GPAT2: variants seen among roughly 807,000 people sequenced by gnomAD.
GPAT2 encodes the protein 1-acylglycerol-3-phosphate O-acyltransferase GPAT2.
Under a neutral mutation model 71.0 loss-of-function variants are expected in GPAT2, and 51 were observed. That is an observed-to-expected ratio of 0.72 (90% CI 0.57 to 0.91). The LOEUF (loss-of-function observed/expected upper bound fraction) is 0.91. Among genes scored for constraint, GPAT2 ranks in the 40% least tolerant of loss-of-function variants. The probability of loss-of-function intolerance (pLI) is 0.00; values close to 1 mark genes in which losing one functional copy is unlikely to be tolerated. For missense variants in GPAT2, 511 were observed against 666.0 expected (o/e 0.77, Z 2.56); for synonymous variants, 222 against 290.3 (o/e 0.76, Z 2.39).
Position 96,026,729 on chromosome 2 carries a change from G to C in GPAT2, c.1000C>G (p.Leu334Val). 2 of 75,582 alleles carry C rather than the reference G, an allele frequency of 2.6e-5. No homozygotes were observed. Among genetic ancestry groups the C allele is most frequent in the Non-Finnish European group, 4.3e-5 (2 of 46,034 alleles). 4.7% of individuals were successfully genotyped at this position (75,582 alleles called of 1,614,324 possible). ...LLVPVAVTYD[L>V]VPDAPCDIDH... is the part of the protein sequence containing the mutation. Reference sequence around the variant, plus strand: ...ATGTCACACGGTGCATCCGGAACCAGGTCATAGGTGACGGCCACTGGTACC... The same window carrying C: ...ATGTCACACGGTGCATCCGGAACCACGTCATAGGTGACGGCCACTGGTACC... The change falls in exon 10 of 22, where the codon CTG becomes GTG. Residue 334 changes from leucine (L) to valine (V), a missense_variant. Around this residue, in one of 7 missense-constraint regions of GPAT2, gnomAD observed 0 missense variants for 21.6 expected, o/e 0.00. Transcript: ENST00000434632.
At chr2:96,025,454 C>T (rs1680294167) in intron 13 of GPAT2, 31 bp downstream of exon 13, 1 of 1,573,832 alleles carries the variant, frequency 6.4e-7, no homozygotes, top group Non-Finnish European at 8.6e-7. Context: ...AGTGACCCAC[C>T]CGCAAAGGCC....
At chr2:96,025,439 G>T in intron 13 of GPAT2, 46 bp downstream of exon 13, 8 of 1,560,530 alleles carry the variant, frequency 5.1e-6, no homozygotes, top group African/African-American at 1.4e-5. Context: ...GAGAGGGGAC[G>T]GTTCAGTGAC....
At chr2:96,025,455 C>T (rs752836100) in intron 13 of GPAT2, 30 bp downstream of exon 13, 42 of 1,573,404 alleles carry the variant, frequency 2.7e-5, no homozygotes, top group Admixed American at 3.8e-5. Flanking sequence ...GTGACCCACC[C>T]GCAAAGGCCC....
rs931659244 is a variant in GPAT2, at chr2:96,026,284, A to G, written c.1054T>C (p.Trp352Arg). ...IDHASAPLGL[W>R]TGALAVLRSL... ...CGTAGGACAGCCAGAGCTCCTGTCCACAGCCCCAGGGGGGCCGAGGCCTGC... is the reference window on the plus strand; with the variant it reads ...CGTAGGACAGCCAGAGCTCCTGTCCGCAGCCCCAGGGGGGCCGAGGCCTGC... The change falls in exon 11 of 22, where the codon TGG becomes CGG. Residue 352 changes from tryptophan to arginine, a missense_variant. Physicochemically the swap from Trp to Arg is moderately radical, Grantham distance 101 (BLOSUM62 -3). This residue lies in a region of GPAT2 where 79 missense variants were observed against 111.4 expected (regional missense o/e 0.71). Transcript: ENST00000434632. The G allele has an allele frequency of 2.5e-6, 4 of 1,576,538 alleles. No individual in the cohort carries two copies. Among genetic ancestry groups the G allele is most frequent in the Admixed American group, 1.9e-5 (1 of 52,594 alleles).
At chr2:96,022,366 C>T (rs1182569641) in intron 21 of GPAT2, 91 bp from the exon 22 acceptor site, 33 of 1,409,876 alleles carry the variant, frequency 2.3e-5, no homozygotes, top group Middle Eastern at 4.9e-4. Context: ...AGAAACCTGC[C>T]TTGAGACCTC....
Position 96,024,435 on chromosome 2 carries a change from G to A in GPAT2, c.1679C>T (p.Ala560Val). Residue 560 changes from alanine (A) to valine (V), a missense_variant, in exon 15 of 22, where the codon GCT (alanine) becomes GTT (valine). This residue lies in a region of GPAT2 where 295 missense variants were observed against 305.5 expected (regional missense o/e 0.97). Coordinates refer to ENST00000434632, the MANE Select transcript of GPAT2 (RefSeq NM_001321527.2). Reference protein sequence around the residue: ...AELLPVFLSEAVGACAVRGLL... With the variant: ...AELLPVFLSEVVGACAVRGLL... ...TGCACCTCAAGACTCACCGCCCACAGCCTCGCTCAGGAAGACGGGCAGCAG... is the reference window on the plus strand; with the variant it reads ...TGCACCTCAAGACTCACCGCCCACAACCTCGCTCAGGAAGACGGGCAGCAG... 1 of 1,613,786 alleles carries A rather than the reference G, an allele frequency of 6.2e-7. No homozygotes were observed. The highest frequency in any genetic ancestry group is 8.5e-7 in the Non-Finnish European group (1 of 1,179,812).
chr2:96,023,836 G>A, intron 17 of GPAT2, 87 bp downstream of exon 17: 6 of 1,530,910 alleles, frequency 3.9e-6, no homozygotes, highest in Non-Finnish European at 5.3e-6. Context: ...GGGCAGAGGA[G>A]GAGCCTGGGG....
At position 96,026,460 on chromosome 2, in the gene GPAT2, G is replaced by C. The variant is rs1393012662; in HGVS notation, c.1033-155C>G. 42 of 593,452 alleles carry C rather than the reference G, an allele frequency of 7.1e-5. No homozygotes were observed. In the Admixed American group the frequency reaches 1.7e-3, roughly 23 times the overall value. 36.8% of individuals were successfully genotyped at this position (593,452 alleles called of 1,614,324 possible). On this transcript the variant is annotated intron_variant, in intron 10 of 21. Transcript: ENST00000434632. The stretch of plus-strand genomic sequence containing the variant: ...AAACTGGTGCGTGACCTTGTCCCAA[G>C]CTCCTCTTTCCTTATCCATGACACA...
At chr2:96,028,267 T>TAGC (rs1180500062) in intron 6 of GPAT2, among the ~76,000 whole-genome samples, 177 bp from the exon 7 acceptor site, 2 of 65,148 alleles carry the variant, frequency 3.1e-5, no homozygotes, top group African/African-American at 1.4e-4. Context: ...CGCTAAGAAG[T>TAGC]AGCAGTGCTG....
At position 96,023,206 on chromosome 2, in the gene GPAT2, G is replaced by T; in HGVS notation, c.2067C>A (p.Cys689Ter). The change falls in exon 19 of 22, where the codon TGC becomes TGA. Residue 689 changes from cysteine (C) to a stop codon, truncating the protein, a stop_gained. Coordinates refer to ENST00000434632, the MANE Select transcript of GPAT2 (RefSeq NM_001321527.2). LOFTEE classifies it high-confidence loss of function. ...RYFRLSQQSH[C>*]PDFFLFLCRL... is the part of the protein sequence containing the mutation. ...GGCAGAGGAAAAGAAAGAAATCTGG[G>T]CAGTGTGACTGCTGGCTGAGCTGGA... 5 of 1,605,472 alleles carry T rather than the reference G, an allele frequency of 3.1e-6. No individual in the cohort carries two copies. Among genetic ancestry groups the T allele is most frequent in the Non-Finnish European group, 2.6e-6 (3 of 1,176,144 alleles).
Position 96,024,624 on chromosome 2 carries a change from C to T in GPAT2, c.1490G>A (p.Arg497His), listed in dbSNP as rs367793485. ...CCCAGAGAAGCCTACATCAAAGCCA[C>T]GCAACAGTATCTCCTCCGTCAGCCA... ...FSWLTEEILL[R>H]GFDVGFSGQL... The change falls in exon 15 of 22, where the codon CGT becomes CAT. Residue 497 changes from arginine to histidine, a missense_variant. By Grantham distance (29) the Arg-to-His change is conservative. Around this residue, in one of 7 missense-constraint regions of GPAT2, gnomAD observed 295 missense variants for 305.5 expected, o/e 0.97. Transcript: ENST00000434632. 2.5e-6 allele frequency: 4 copies of T among 1,613,898 alleles called. No homozygotes were observed. Among genetic ancestry groups the T allele is most frequent in the South Asian group, 1.1e-5 (1 of 91,080 alleles).
intron 17 of GPAT2, 80 bp from the exon 18 acceptor site, chr2:96,023,520 G>A: frequency 6.8e-7 from 1 of 1,478,548 alleles, no homozygotes; most frequent in Non-Finnish European, 9.4e-7. Flanking sequence ...ACATGCAGGT[G>A]AAACCAGTAA....
intron 13 of GPAT2, 89 bp from the exon 14 acceptor site, chr2:96,024,932 C>T (rs1680229386): frequency 2.1e-6 from 3 of 1,411,764 alleles, no homozygotes; most frequent in Non-Finnish European, 2.0e-6. Context: ...CCTAGCCACA[C>T]ATCCCAACTC....
chr2:96,023,692 C>T, intron 17 of GPAT2: 2 of 797,472 alleles, frequency 2.5e-6, no homozygotes, highest in South Asian at 3.7e-5. Context: ...CAGAGGCACA[C>T]ATGTCCAGTG....
chr2:96,025,085 T>C, intron 13 of GPAT2: 1 of 603,450 alleles, frequency 1.7e-6, no homozygotes, highest in East Asian at 2.8e-5. Context: ...AGAGGGGCAC[T>C]GAAGAAGATA....
At position 96,024,396 on chromosome 2, in the gene GPAT2, T is replaced by C. The variant is rs201421814; in HGVS notation, c.1687+31A>G. 1.9e-6 allele frequency: 3 copies of C among 1,608,926 alleles called. No homozygotes were observed. The African/African-American group carries it at 4.0e-5, about 21-fold the overall frequency. ...CGTTCCCTTCACCACTGCACACACATCCCACCTACCCCGTGCACCTCAAGA... is the reference window on the plus strand; with the variant it reads ...CGTTCCCTTCACCACTGCACACACACCCCACCTACCCCGTGCACCTCAAGA... On this transcript the variant is annotated intron_variant, in intron 15 of 21. Transcript: ENST00000434632.
chr2:96,022,348 T>A, intron 21 of GPAT2, 73 bp from the exon 22 acceptor site: 1 of 1,465,492 alleles, frequency 6.8e-7, no homozygotes, highest in Non-Finnish European at 9.1e-7. Context: ...GGGCCAGGCC[T>A]GTCCCCCAGA....
chr2:96,026,183 C>T lies in GPAT2; in HGVS notation c.1155G>A (p.Gln385=), dbSNP rs1680384131. 3 of 1,604,614 alleles carry T rather than the reference C, an allele frequency of 1.9e-6. No individual in the cohort carries two copies. The highest frequency in any genetic ancestry group is 1.3e-5 in the African/African-American group (1 of 74,712). Residue 385 remains glutamine, a splice_region_variant and synonymous_variant, in exon 11 of 22, where the codon CAG becomes CAA. Coordinates refer to ENST00000434632, the MANE Select transcript of GPAT2 (RefSeq NM_001321527.2). ...RVHLAQPFSL[Q]EYIVSARSCW... The stretch of plus-strand genomic sequence containing the variant: ...CAGCCTTCCCCAGCTGGCTCCATAC[C>T]TGCAGGGAAAAGGGCTGAGCTAGGT...
At position 96,022,959 on chromosome 2, in the gene GPAT2, G is replaced by T. The variant is rs748507436; in HGVS notation, c.2232C>A (p.Phe744Leu). 6.2e-7 allele frequency: 1 copy of T among 1,613,818 alleles called. No individual in the cohort carries two copies. Among genetic ancestry groups the T allele is most frequent in the Non-Finnish European group, 8.5e-7 (1 of 1,179,872 alleles). The change falls in exon 20 of 22, where the codon TTC (phenylalanine) becomes TTA (leucine). Residue 744 changes from phenylalanine (F) to leucine (L), a missense_variant and splice_region_variant. Coordinates refer to ENST00000434632, the MANE Select transcript of GPAT2 (RefSeq NM_001321527.2). The stretch of plus-strand genomic sequence containing the variant: ...CTGGGCTGACTGGTTGGGACTCACC[G>T]AAGATCCCTTCTTCCTGGGCGGTGG... ...LQATAQEEGI[F>L]ECADPKLAIS...
Sources: gnomAD v4.1 joint callset for allele counts (sites outside exome capture counted in the v4.1 genomes callset) on GRCh38, gnomAD v4.1.1 for gene constraint, gnomAD v4.1.1 regional missense constraint, MANE v1.5 for transcripts, NCBI Gene and HGNC (gene_info 2026-07-23, HGNC 2026-07-21) for gene names.